FRMD6: variants seen among roughly 807,000 people sequenced by gnomAD.
FRMD6 encodes the protein FERM domain-containing protein 6.
A neutral mutation model predicts 73.2 loss-of-function variants in FRMD6; 37 were observed. The observed-to-expected ratio is 0.51, with a 90% CI of 0.39 to 0.66. FRMD6 has a LOEUF of 0.66. FRMD6 is among the 30% of genes least tolerant of loss of function. The pLI, the probability that FRMD6 is intolerant of heterozygous loss-of-function variation, is 0.00. For synonymous variants in FRMD6, 273 were observed against 282.2 expected (o/e 0.97, Z 0.33); for missense variants, 714 against 780.5 (o/e 0.91, Z 1.02).
the FRMD6 span, among the ~76,000 whole-genome samples, chr14:51,400,486 C>T: frequency 2.0e-5 from 3 of 152,178 alleles, no homozygotes; most frequent in African/African-American, 7.2e-5. Context: ...TACTCTTGTC[C>T]ATTATCACCT....
At chr14:51,579,966 G>A (rs769747028) in intron 2 of FRMD6, among the ~76,000 whole-genome samples, 3 of 152,280 alleles carry the variant, frequency 2.0e-5, no homozygotes, top group African/African-American at 4.8e-5. Flanking sequence ...CCCATGAAAC[G>A]TTCTGGGGAC....
At chr14:51,600,949 A>G (rs1451224580) in intron 2 of FRMD6, among the ~76,000 whole-genome samples, 1 of 152,250 alleles carries the variant, frequency 6.6e-6, no homozygotes, top group African/African-American at 2.4e-5. Flanking sequence ...ATATCCTATT[A>G]GCACTTGGCT....
rs1470751149 is a variant in FRMD6 at position 51,698,455 on chromosome 14, T to C, written c.190+223T>C. Among the ~76,000 whole-genome samples, 4 of 152,108 alleles carry C rather than the reference T, an allele frequency of 2.6e-5. No homozygotes were observed. In the East Asian group the frequency reaches 5.8e-4, roughly 22 times the overall value. On this transcript the variant is annotated intron_variant, in intron 3 of 13. Coordinates refer to ENST00000344768, the MANE Select transcript of FRMD6 (RefSeq NM_001267046.2). ...GATTTTAGGCATTTATTTATTATAG[T>C]TTGAACTTAAAAATTGATTCCTCTT...
At chr14:51,514,878 CAAG>C (rs1342080666) in intron 1 of FRMD6, among the ~76,000 whole-genome samples, 1 of 152,060 alleles carries the variant, frequency 6.6e-6, no homozygotes, top group African/African-American at 2.4e-5. Flanking sequence ...ACTATGACGA[CAAG>C]AGGAGAAAGG....
chr14:51,712,277 G>A (rs1386346502), intron 8 of FRMD6, among the ~76,000 whole-genome samples: 1 of 152,198 alleles, frequency 6.6e-6, no homozygotes, highest in Non-Finnish European at 1.5e-5. Context: ...CCTTAAAAGG[G>A]TTAGTTAATA....
chr14:51,508,941 A>C (rs1884132444), intron 1 of FRMD6, among the ~76,000 whole-genome samples: 1 of 152,182 alleles, frequency 6.6e-6, no homozygotes, highest in Admixed American at 6.5e-5. Context: ...ATGGAGTCCA[A>C]CAGATCAAGA....
the FRMD6 span, among the ~76,000 whole-genome samples, chr14:51,443,665 T>G: frequency 6.6e-6 from 1 of 152,128 alleles, no homozygotes; most frequent in African/African-American, 2.4e-5. Context: ...GCCATACTCT[T>G]CTCTCTGAAA....
chr14:51,472,629 GAGAA>G, the FRMD6 span, among the ~76,000 whole-genome samples: 2 of 152,148 alleles, frequency 1.3e-5, no homozygotes, highest in Admixed American at 6.5e-5. Context: ...TTAACTGTGA[GAGAA>G]AGACTTATTC....
At chr14:51,436,098 G>A in the FRMD6 span, 2 of 216,852 alleles carry the variant, frequency 9.2e-6, no homozygotes, top group South Asian at 1.5e-4. Flanking sequence ...ACCACCTCCT[G>A]CCCTGAGACC....
intron 2 of FRMD6, among the ~76,000 whole-genome samples, chr14:51,585,790 G>T (rs1375159537): frequency 1.3e-5 from 2 of 151,004 alleles, no homozygotes; most frequent in East Asian, 3.9e-4. Context: ...CCTCCCACTT[G>T]TGAGTGAGAA....
At chr14:51,720,520 C>A in intron 11 of FRMD6, 130 bp downstream of exon 11, 2 of 778,392 alleles carry the variant, frequency 2.6e-6, no homozygotes, top group Non-Finnish European at 4.2e-6. Flanking sequence ...GTCTTGTTGT[C>A]TTCCCCAATG....
chr14:51,440,943 G>A, the FRMD6 span, among the ~76,000 whole-genome samples: 1 of 152,186 alleles, frequency 6.6e-6, no homozygotes, highest in African/African-American at 2.4e-5. Context: ...AAGATTTGGG[G>A]CTGTATAATC....
At chr14:51,704,992 A>C in intron 6 of FRMD6, 57 bp downstream of exon 6, 1 of 1,483,618 alleles carries the variant, frequency 6.7e-7, no homozygotes, top group African/African-American at 1.4e-5. Context: ...TCTAGTTCGT[A>C]GTGTTGCTAC....
At chr14:51,611,911 A>G (rs771353249) in intron 2 of FRMD6, among the ~76,000 whole-genome samples, 10 of 152,168 alleles carry the variant, frequency 6.6e-5, no homozygotes, top group Non-Finnish European at 1.3e-4. Flanking sequence ...TGCTTATGTC[A>G]TGATGTAAAA....
intron 12 of FRMD6, 136 bp from the exon 13 acceptor site, chr14:51,725,643 A>G: frequency 1.6e-6 from 1 of 623,508 alleles, no homozygotes; most frequent in Non-Finnish European, 2.9e-6. Context: ...GTCTGCCACC[A>G]AAGAGTCACA....
At chr14:51,533,828 A>G (rs1041443459) in intron 1 of FRMD6, among the ~76,000 whole-genome samples, 2 of 152,160 alleles carry the variant, frequency 1.3e-5, no homozygotes, top group African/African-American at 4.8e-5. Flanking sequence ...GTCTTGGCTG[A>G]GGTTGTGCCT....
intron 5 of FRMD6, 50 bp downstream of exon 5, chr14:51,702,638 T>A: frequency 1.4e-6 from 2 of 1,386,124 alleles, no homozygotes. Context: ...CCCATAGCAC[T>A]TTTTCTAACA....
chr14:51,416,671 G>T, the FRMD6 span, among the ~76,000 whole-genome samples: 1 of 152,206 alleles, frequency 6.6e-6, no homozygotes. Flanking sequence ...TATTAGGTCT[G>T]CTTGTCGCAG....
chr14:51,454,648 G>A, the FRMD6 span: 2 of 152,194 alleles, frequency 1.3e-5, no homozygotes, highest in South Asian at 2.1e-4. Flanking sequence ...TGGTGTCATA[G>A]GCCTGTGATA....
Sources: allele counts gnomAD v4.1 joint callset (sites outside exome capture counted in the v4.1 genomes callset), GRCh38; gene constraint gnomAD v4.1.1; transcripts MANE v1.5; gene names NCBI Gene and HGNC (gene_info 2026-07-23, HGNC 2026-07-21).